Variants in ANK2 observed in about 807,000 individuals in gnomAD.
ANK2 encodes ankyrin-2.
Under a neutral mutation model 360.5 loss-of-function variants are expected in ANK2, and 83 were observed. The observed-to-expected ratio is 0.23, with a 90% CI of 0.19 to 0.28. The LOEUF is 0.28. Among genes scored for constraint, ANK2 ranks in the 10% least tolerant of loss-of-function variants. ANK2 has a pLI of 1.00. For synonymous variants in ANK2, 1,740 were observed against 1,759.5 expected (o/e 0.99, Z 0.28); for missense variants, 4,201 against 4,795.7 (o/e 0.88, Z 3.66).
At chr4:113,088,464 G>C (rs1180368874) in intron 1 of ANK2, among the ~76,000 whole-genome samples, 7 of 152,132 alleles carry the variant, frequency 4.6e-5, no homozygotes, top group Admixed American at 1.3e-4. Flanking sequence ...CCTATATAAA[G>C]TGGACATTTC....
intron 1 of ANK2, among the ~76,000 whole-genome samples, chr4:113,092,542 A>G (rs7683186): frequency 0.67 from 101,261 of 152,024 alleles, 33,841 homozygotes; most frequent in South Asian, 0.72. Context: ...GGTTAGATAG[A>G]TTGGATTCTG....
At position 113,288,461 on chromosome 4, in the gene ANK2, GA is replaced by G; in HGVS notation, c.2253del (p.Ala752GlnfsTer62). 6.2e-7 allele frequency: 1 copy of G among 1,613,916 alleles called. No individual in the cohort carries two copies. ...VKMVNFLLKQ[G>X]ANVNAKTKNG... The stretch of plus-strand genomic sequence containing the variant: ...ATGGTCAACTTTCTTCTGAAGCAGG[GA>G]GCAAATGTTAACGCAAAAACCAAGG... On this transcript the variant is annotated frameshift_variant, in exon 20 of 46. Coordinates refer to ENST00000357077, the MANE Select transcript of ANK2 (RefSeq NM_001148.6). LOFTEE classifies it high-confidence loss of function.
chr4:113,230,889 C>T (rs959545684), intron 4 of ANK2, among the ~76,000 whole-genome samples: 1 of 152,156 alleles, frequency 6.6e-6, no homozygotes, highest in Non-Finnish European at 1.5e-5. Context: ...CCGTGATAGC[C>T]TAGCCACCAG....
chr4:112,955,644 G>A (rs2095295019), intron 2 of ANK2, among the ~76,000 whole-genome samples: 1 of 152,000 alleles, frequency 6.6e-6, no homozygotes, highest in South Asian at 2.1e-4. Flanking sequence ...TGGGATTCTA[G>A]TCTACAGTGT....
chr4:112,925,865 G>A (rs1397711336), intron 2 of ANK2, among the ~76,000 whole-genome samples: 1 of 152,186 alleles, frequency 6.6e-6, no homozygotes, highest in Non-Finnish European at 1.5e-5. Flanking sequence ...GAAAGCTTTA[G>A]TGGTCATGAA....
At chr4:113,196,569 C>A in intron 3 of ANK2, 103 bp downstream of exon 3, 2 of 1,078,304 alleles carry the variant, frequency 1.9e-6, no homozygotes, top group Admixed American at 2.0e-5. Context: ...TTTCTGTTGC[C>A]CAGGAAGTAG....
At chr4:112,938,081 C>T (rs1269012522) in intron 2 of ANK2, among the ~76,000 whole-genome samples, 1 of 152,190 alleles carries the variant, frequency 6.6e-6, no homozygotes, top group Admixed American at 6.5e-5. Flanking sequence ...ATCCCCCAAA[C>T]CATGCATTTT....
intron 4 of ANK2, among the ~76,000 whole-genome samples, chr4:113,228,413 C>A (rs908909990): frequency 1.2e-4 from 19 of 152,132 alleles, no homozygotes; most frequent in African/African-American, 4.3e-4. Flanking sequence ...CTTAGCTCCC[C>A]CTAAGAGTGA....
At chr4:112,823,885 C>T (rs1282961141) in intron 1 of ANK2, among the ~76,000 whole-genome samples, 3 of 152,228 alleles carry the variant, frequency 2.0e-5, no homozygotes, top group African/African-American at 7.2e-5. Context: ...CTACTGTTTA[C>T]TGTGCTAGTG....
the ANK2 span, among the ~76,000 whole-genome samples, chr4:112,730,636 C>CAAAAAAAAAAAAAAA: frequency 3.6e-4 from 21 of 57,902 alleles, no homozygotes; most frequent in Admixed American, 5.2e-4. Flanking sequence ...GACTCCATCT[C>CAAAAAAAAAAAAAAA]AAAAAAAAAA....
At chr4:113,049,454 A>G (rs1189856569), upstream of ANK2, among the ~76,000 whole-genome samples, 1 of 152,136 alleles carries the variant, frequency 6.6e-6, no homozygotes, top group Admixed American at 6.5e-5. Flanking sequence ...AGAGTCCCCA[A>G]ATCATTCGAG....
chr4:112,958,855 C>CTTTTTCTTTT lies in ANK2; in HGVS notation c.21+54346_21+54347insCTTTTTTTTT, dbSNP rs891349166. Among the ~76,000 whole-genome samples, 1,013 of 150,736 alleles carry CTTTTTCTTTT rather than the reference C, an allele frequency of 6.7e-3. 16 individuals carry two copies. The highest frequency in any genetic ancestry group is 0.024 in the African/African-American group (970 of 40,926). On this transcript the variant is annotated intron_variant, in intron 2 of 30. Coordinates refer to the ANK2 transcript ENST00000503271. ...GGGGTACAAGAGAAGATTTCTTTTT[C>CTTTTTCTTTT]TTTTTTTTTGGTGATGAAGCCTTGC...
In ANK2 at chr4:113,245,711, G is replaced by T. The variant is rs908798226; in HGVS notation, c.891+3502G>T. Among the ~76,000 whole-genome samples the T allele has an allele frequency of 3.3e-5, 5 of 152,262 alleles. No homozygotes were observed. The South Asian group carries it at 6.2e-4, about 19-fold the overall frequency. ...TAGAATTCAAGATGAGATTTAGGTG[G>T]TGACGCCTAAATCAAAACATTGATA... On this transcript the variant is annotated intron_variant, in intron 9 of 45. Coordinates refer to ENST00000357077, the MANE Select transcript of ANK2 (RefSeq NM_001148.6).
intron 1 of ANK2, among the ~76,000 whole-genome samples, chr4:113,110,229 C>A (rs1323632640): frequency 1.3e-5 from 2 of 152,042 alleles, no homozygotes; most frequent in Non-Finnish European, 2.9e-5. Flanking sequence ...AGGGGAACTG[C>A]CCTTTATAAA....
intron 1 of ANK2, among the ~76,000 whole-genome samples, chr4:113,126,411 C>T (rs758520758): frequency 2.0e-5 from 3 of 152,184 alleles, no homozygotes; most frequent in Non-Finnish European, 4.4e-5. Flanking sequence ...ATGGCTCCTG[C>T]CTCAAACTGG....
intron 1 of ANK2, among the ~76,000 whole-genome samples, chr4:112,854,914 T>A (rs1427992531): frequency 6.6e-6 from 1 of 152,120 alleles, no homozygotes; most frequent in Non-Finnish European, 1.5e-5. Flanking sequence ...GTTATTTAAA[T>A]CTTTGTATTT....
chr4:113,089,788 C>T (rs534086452), intron 1 of ANK2, among the ~76,000 whole-genome samples: 1 of 152,182 alleles, frequency 6.6e-6, no homozygotes, highest in East Asian at 1.9e-4. Context: ...CGCACCACTG[C>T]ACTCCAGCCT....
At chr4:112,911,550 T>G (rs1455521732) in intron 2 of ANK2, among the ~76,000 whole-genome samples, 1 of 152,002 alleles carries the variant, frequency 6.6e-6, no homozygotes, top group Non-Finnish European at 1.5e-5. Context: ...CTTGAACTCT[T>G]GGGCTCAAGA....
intron 1 of ANK2, among the ~76,000 whole-genome samples, chr4:113,105,154 G>A (rs1467686562): frequency 6.6e-6 from 1 of 152,166 alleles, no homozygotes; most frequent in East Asian, 1.9e-4. Context: ...CAAATTTTAT[G>A]AGTAGGTAGC....
Sources: gnomAD v4.1 joint callset for allele counts (sites outside exome capture counted in the v4.1 genomes callset) on GRCh38, gnomAD v4.1.1 for gene constraint, MANE v1.5 for transcripts, NCBI Gene and HGNC (gene_info 2026-07-23, HGNC 2026-07-21) for gene names.